RAP1A: variants seen among roughly 807,000 people sequenced by gnomAD.
RAP1A encodes the protein ras-related protein Rap-1A.
A neutral mutation model predicts 26.4 loss-of-function variants in RAP1A; 6 were observed. The observed-to-expected ratio is 0.23, with a 90% CI of 0.12 to 0.45. RAP1A has a LOEUF of 0.45. Ranked by LOEUF, RAP1A falls within the 20% of genes least tolerant of loss-of-function variation. RAP1A has a pLI of 0.99. For missense variants in RAP1A, 121 were observed against 217.2 expected (o/e 0.56, Z 2.78); for synonymous variants, 73 against 79.4 (o/e 0.92, Z 0.43).
In RAP1A at chr1:111,703,494, CTG is replaced by C. The variant is rs1216398697; in HGVS notation, c.324+20_324+21del. Reference sequence around the variant, plus strand: ...CGGAAGATGTAAGTATTTTTTCTCTCTGTAAGATGTTATGCCATCTCTCTGTG... The same window carrying C: ...CGGAAGATGTAAGTATTTTTTCTCTCTAAGATGTTATGCCATCTCTCTGTG... On this transcript the variant is annotated intron_variant, in intron 5 of 7. Transcript: ENST00000369709. 1 of 1,555,172 alleles carries C rather than the reference CTG, an allele frequency of 6.4e-7. No homozygotes were observed. The highest frequency in any genetic ancestry group is 2.0e-5 in the Admixed American group (1 of 50,076).
chr1:111,631,584 T>C (rs1659568916), intron 1 of RAP1A, among the ~76,000 whole-genome samples: 1 of 152,070 alleles, frequency 6.6e-6, no homozygotes, highest in African/African-American at 2.4e-5. Flanking sequence ...GGTAGTAAAC[T>C]TCCAGAAGAA....
chr1:111,649,351 A>T (rs990466995), intron 1 of RAP1A: 7 of 385,760 alleles, frequency 1.8e-5, no homozygotes, highest in Non-Finnish European at 3.5e-5. Flanking sequence ...GATGCCTCCC[A>T]TTCCTGCCAG....
chr1:111,593,538 A>G (rs1238226170), intron 1 of RAP1A, among the ~76,000 whole-genome samples: 1 of 151,856 alleles, frequency 6.6e-6, no homozygotes, highest in Non-Finnish European at 1.5e-5. Flanking sequence ...GACCATGCCC[A>G]GCACCCTAAG....
intron 1 of RAP1A, among the ~76,000 whole-genome samples, chr1:111,674,118 G>A (rs549225790): frequency 8.6e-4 from 131 of 152,244 alleles, no homozygotes; most frequent in African/African-American, 3.0e-3. Context: ...GCTATATTAG[G>A]ATTCTGTCTT....
intron 1 of RAP1A, among the ~76,000 whole-genome samples, chr1:111,574,758 A>G (rs900582070): frequency 8.5e-5 from 13 of 152,228 alleles, no homozygotes; most frequent in Non-Finnish European, 1.8e-4. Context: ...AAATAGTTGG[A>G]ACTGACCTGA....
intron 1 of RAP1A, chr1:111,563,841 C>A: frequency 1.2e-6 from 2 of 1,610,790 alleles, no homozygotes; most frequent in Non-Finnish European, 8.5e-7. Context: ...TCTGCTATGA[C>A]TCACTGTGAC....
intron 1 of RAP1A, among the ~76,000 whole-genome samples, chr1:111,571,935 C>T (rs137891465): frequency 3.5e-3 from 535 of 152,362 alleles, no homozygotes; most frequent in Non-Finnish European, 6.3e-3. Flanking sequence ...TCTCTGATTA[C>T]TCCTTATTCC....
chr1:111,654,340 T>C (rs528793589), intron 1 of RAP1A, among the ~76,000 whole-genome samples: 29 of 152,342 alleles, frequency 1.9e-4, no homozygotes, highest in African/African-American at 5.3e-4. Context: ...CTTCACACTT[T>C]CATGTATACT....
intron 1 of RAP1A, among the ~76,000 whole-genome samples, chr1:111,553,273 T>G (rs563665770): frequency 3.2e-4 from 49 of 152,374 alleles, no homozygotes; most frequent in South Asian, 8.3e-4. Context: ...ATAGAAGATT[T>G]GAGTTTCCTA....
At chr1:111,667,320 T>C (rs1383338781) in intron 1 of RAP1A, among the ~76,000 whole-genome samples, 1 of 152,212 alleles carries the variant, frequency 6.6e-6, no homozygotes, top group African/African-American at 2.4e-5. Flanking sequence ...ACTTTTATTA[T>C]AGATTATATT....
chr1:111,639,865 G>C (rs1320480602), intron 1 of RAP1A, among the ~76,000 whole-genome samples: 1 of 152,172 alleles, frequency 6.6e-6, no homozygotes, highest in Non-Finnish European at 1.5e-5. Context: ...AAAGTGAAAA[G>C]CCAACTTTTT....
chr1:111,585,096 G>A (rs10857899), intron 1 of RAP1A, among the ~76,000 whole-genome samples: 53,149 of 152,078 alleles, frequency 0.35, 10,493 homozygotes, highest in Non-Finnish European at 0.44. Context: ...CTATTCCATC[G>A]TGGCTTCATC....
chr1:111,650,887 C>T (rs562096162), intron 1 of RAP1A, among the ~76,000 whole-genome samples: 17 of 152,144 alleles, frequency 1.1e-4, no homozygotes, highest in East Asian at 9.6e-4. Flanking sequence ...CTGCAACCTC[C>T]GCCTCCCAGG....
chr1:111,697,987 G>A (rs1367435336), intron 4 of RAP1A, among the ~76,000 whole-genome samples: 2 of 152,028 alleles, frequency 1.3e-5, no homozygotes, highest in East Asian at 3.9e-4. Context: ...CTTTAAATGA[G>A]TATAATGATG....
At chr1:111,670,292 C>T (rs1329202001) in intron 1 of RAP1A, among the ~76,000 whole-genome samples, 3 of 151,812 alleles carry the variant, frequency 2.0e-5, no homozygotes, top group South Asian at 2.1e-4. Context: ...GGCAAGATGG[C>T]GAAACCCTGT....
chr1:111,660,828 T>G (rs1311184944), intron 1 of RAP1A, among the ~76,000 whole-genome samples: 1 of 152,236 alleles, frequency 6.6e-6, no homozygotes, highest in Non-Finnish European at 1.5e-5. Flanking sequence ...CCTCCAATTA[T>G]AGTGCCCTAC....
At chr1:111,578,582 AC>A (rs1184208340) in intron 1 of RAP1A, among the ~76,000 whole-genome samples, 1 of 152,090 alleles carries the variant, frequency 6.6e-6, no homozygotes, top group Non-Finnish European at 1.5e-5. Context: ...AGAGAGAATA[AC>A]AGAGTGTAAA....
upstream of RAP1A, among the ~76,000 whole-genome samples, chr1:111,619,565 C>T (rs1659098247): frequency 6.6e-6 from 1 of 152,202 alleles, no homozygotes; most frequent in African/African-American, 2.4e-5. Flanking sequence ...TTTTTCCGGT[C>T]TTACCCACCT....
chr1:111,666,958 G>T (rs1372831269), intron 1 of RAP1A, among the ~76,000 whole-genome samples: 1 of 87,514 alleles, frequency 1.1e-5, no homozygotes, highest in African/African-American at 4.8e-5. Context: ...AGATGAAGTG[G>T]ATACAGGCCA....
Sources: gnomAD v4.1 joint callset for allele counts (sites outside exome capture counted in the v4.1 genomes callset) on GRCh38, gnomAD v4.1.1 for gene constraint, MANE v1.5 for transcripts, NCBI Gene and HGNC (gene_info 2026-07-23, HGNC 2026-07-21) for gene names.